KHDRBS2: variants seen among roughly 807,000 people sequenced by gnomAD.
KHDRBS2 encodes the protein KH RNA binding domain containing, signal transduction associated 2, also known as KH domain-containing, RNA-binding, signal transduction-associated protein 2.
A neutral mutation model predicts 44.3 loss-of-function variants in KHDRBS2; 26 were observed. That is an observed-to-expected ratio of 0.59 (90% CI 0.43 to 0.81). The LOEUF (loss-of-function observed/expected upper bound fraction) is 0.81, where lower values mean the gene tolerates loss of function less well. Ranked by LOEUF, KHDRBS2 falls within the 40% of genes least tolerant of loss-of-function variation. KHDRBS2 has a pLI of 0.00. For missense variants in KHDRBS2, 476 were observed against 433.1 expected (o/e 1.10, Z -0.88); for synonymous variants, 194 against 151.1 (o/e 1.28, Z -2.08).
the KHDRBS2 span, among the ~76,000 whole-genome samples, chr6:61,545,502 T>TGC: frequency 2.3e-4 from 1 of 4,294 alleles, no homozygotes; most frequent in South Asian, 2.8e-3. Flanking sequence ...AGCTAATCTC[T>TGC]GTGTGTGTGT....
At chr6:62,231,977 G>T (rs1832968141) in intron 1 of KHDRBS2, among the ~76,000 whole-genome samples, 1 of 151,972 alleles carries the variant, frequency 6.6e-6, no homozygotes, top group Non-Finnish European at 1.5e-5. Context: ...TCTAAACAGG[G>T]TTTCCTGGTT....
At chr6:61,954,617 CATAT>C (rs1261492015) in intron 4 of KHDRBS2, among the ~76,000 whole-genome samples, 1 of 140,208 alleles carries the variant, frequency 7.1e-6, no homozygotes, top group Admixed American at 7.1e-5. Flanking sequence ...CTTATGTATA[CATAT>C]ATATGTATAT....
chr6:62,028,972 T>A (rs1467517013), intron 3 of KHDRBS2, among the ~76,000 whole-genome samples: 5 of 151,994 alleles, frequency 3.3e-5, no homozygotes, highest in Admixed American at 3.3e-4. Context: ...ACAACTAGAA[T>A]TCAGTTCAAT....
intron 2 of KHDRBS2, among the ~76,000 whole-genome samples, chr6:62,051,287 A>C (rs185795271): frequency 5.6e-4 from 85 of 152,250 alleles, no homozygotes; most frequent in Non-Finnish European, 2.4e-4. Context: ...AACAAAATGA[A>C]AGAATAAAAA....
At chr6:61,883,693 C>A (rs1345500720) in intron 6 of KHDRBS2, among the ~76,000 whole-genome samples, 2 of 151,960 alleles carry the variant, frequency 1.3e-5, no homozygotes, top group East Asian at 3.9e-4. Flanking sequence ...TTTTTCCATT[C>A]TATGAATAGT....
the KHDRBS2 span, among the ~76,000 whole-genome samples, chr6:61,600,695 A>G: frequency 6.6e-6 from 1 of 151,902 alleles, no homozygotes; most frequent in Admixed American, 6.6e-5. Context: ...CCCTGCCCTC[A>G]CCCTCACTCC....
In KHDRBS2 at chr6:61,680,913, C is replaced by A. The variant is rs376307558; in HGVS notation, c.*50G>T. The A allele has an allele frequency of 8.3e-7, 1 of 1,199,282 alleles. No homozygotes were observed. Among genetic ancestry groups the A allele is most frequent in the Non-Finnish European group, 1.2e-6 (1 of 814,108 alleles). The allele number at this position is 1,199,282 out of a possible 1,614,324, so 74.3% of individuals were successfully genotyped here. ...TGTCTTGTTGCTGTTTATGTGGAGA[C>A]CACAGGCTATGAATTGTCTTTGAGG... is the stretch of plus-strand genomic sequence containing the variant. On this transcript the variant is annotated 3_prime_UTR_variant, in exon 9 of 9. Transcript: ENST00000281156.
At chr6:61,578,386 T>A in the KHDRBS2 span, among the ~76,000 whole-genome samples, 6 of 152,268 alleles carry the variant, frequency 3.9e-5, no homozygotes, top group Non-Finnish European at 8.8e-5. Flanking sequence ...TTATGTGTCA[T>A]GATTGCATTT....
Position 61,891,415 on chromosome 6 carries a change from C to A in KHDRBS2, c.810+3220G>T, listed in dbSNP as rs576536827. On this transcript the variant is annotated intron_variant, in intron 6 of 8. Transcript: ENST00000281156. ...TTCTCTTTTTTTGTTGTGTCTCTGC[C>A]AGGCTTTGGTATCAGGATGATGCTG... Among the ~76,000 whole-genome samples the A allele has an allele frequency of 8.5e-5, 13 of 152,192 alleles. No individual in the cohort carries two copies. The South Asian group carries it at 2.7e-3, about 32-fold the overall frequency.
chr6:61,750,776 A>C (rs1041002857), intron 6 of KHDRBS2, among the ~76,000 whole-genome samples: 1 of 151,874 alleles, frequency 6.6e-6, no homozygotes, highest in East Asian at 1.9e-4. Flanking sequence ...AAAAAAAAAA[A>C]ACATCTAGGA....
At chr6:61,676,832 C>A (rs1446192186), downstream of KHDRBS2, among the ~76,000 whole-genome samples, 4 of 151,768 alleles carry the variant, frequency 2.6e-5, no homozygotes, top group African/African-American at 9.7e-5. Context: ...AAAGGCCATG[C>A]TAATATTTTA....
chr6:61,753,615 A>T (rs967043790), intron 6 of KHDRBS2, among the ~76,000 whole-genome samples: 5 of 152,094 alleles, frequency 3.3e-5, no homozygotes, highest in East Asian at 3.9e-4. Flanking sequence ...TTGGGGCTAT[A>T]TGGAAAAGGA....
At chr6:62,252,623 T>C (rs1438266501) in intron 1 of KHDRBS2, among the ~76,000 whole-genome samples, 2 of 152,002 alleles carry the variant, frequency 1.3e-5, no homozygotes, top group African/African-American at 4.8e-5. Flanking sequence ...GTACTGATTT[T>C]ATTTTTACCT....
intron 1 of KHDRBS2, among the ~76,000 whole-genome samples, chr6:62,259,053 G>C (rs966270957): frequency 2.0e-5 from 3 of 152,040 alleles, no homozygotes; most frequent in Non-Finnish European, 2.9e-5. Context: ...TGCTCTAATA[G>C]ATAAGGAAGC....
chr6:61,901,986 GTCTC>G (rs1330235838), intron 4 of KHDRBS2, among the ~76,000 whole-genome samples: 1 of 152,020 alleles, frequency 6.6e-6, no homozygotes, highest in Non-Finnish European at 1.5e-5. Flanking sequence ...TTGAGACACA[GTCTC>G]TGTCGCCCAC....
At chr6:61,961,690 C>A (rs1027997715) in intron 4 of KHDRBS2, among the ~76,000 whole-genome samples, 1 of 152,000 alleles carries the variant, frequency 6.6e-6, no homozygotes, top group Non-Finnish European at 1.5e-5. Context: ...GCCTGACTTG[C>A]GCATGGGTAC....
intron 2 of KHDRBS2, among the ~76,000 whole-genome samples, chr6:62,155,473 G>A (rs376022743): frequency 2.0e-5 from 3 of 152,130 alleles, no homozygotes; most frequent in African/African-American, 7.2e-5. Flanking sequence ...TACATGGATC[G>A]GAAAATCATG....
intron 7 of KHDRBS2, 135 bp downstream of exon 7, chr6:61,732,545 ACT>A (rs914827547): frequency 2.4e-5 from 15 of 636,726 alleles, no homozygotes; most frequent in Non-Finnish European, 4.2e-5. Context: ...CTGGTAAGCA[ACT>A]TGATAATTCA....
At chr6:61,642,744 T>C in the KHDRBS2 span, among the ~76,000 whole-genome samples, 3 of 152,142 alleles carry the variant, frequency 2.0e-5, no homozygotes, top group African/African-American at 7.2e-5. Context: ...CATGAGCCTA[T>C]GTGCCTACAT....
Sources: allele counts gnomAD v4.1 joint callset (sites outside exome capture counted in the v4.1 genomes callset), GRCh38; gene constraint gnomAD v4.1.1; transcripts MANE v1.5; gene names NCBI Gene and HGNC (gene_info 2026-07-23, HGNC 2026-07-21).